PCARE: variants seen among roughly 807,000 people sequenced by gnomAD.
The protein encoded by PCARE is uncharacterized protein C2orf71.
A neutral mutation model predicts 82.2 loss-of-function variants in PCARE; 72 were observed. That is an observed-to-expected ratio of 0.88 (90% confidence interval 0.72 to 1.07). The LOEUF (loss-of-function observed/expected upper bound fraction) is 1.07, where lower values mean the gene tolerates loss of function less well. PCARE is among the 50% of genes least tolerant of loss of function. PCARE has a pLI of 0.00. For missense variants in PCARE, 1,768 were observed against 1,592.4 expected, an observed-to-expected ratio of 1.11 and a Z score of -1.88; for synonymous variants, 705 against 634.8, an observed-to-expected ratio of 1.11 and a Z score of -1.66.
Position 29,072,717 on chromosome 2 carries a change from T to C in PCARE, c.1545A>G (p.Gln515=), listed in dbSNP as rs200427237. 8.8e-4 allele frequency: 1,421 copies of C among 1,613,990 alleles called. 2 individuals carry two copies. The highest frequency in any genetic ancestry group is 1.0e-3 in the Non-Finnish European group (1,227 of 1,179,998). ...GGCTTTCCCGGTCAGCAGGTGAAGA[T>C]TGTGGCCTTGAATGTGGAGTTTTTT... ...WQEKTPHSRP[Q]SSPADRESPF... is the part of the protein sequence containing the mutation. The change falls in exon 1 of 2, where the codon CAA becomes CAG. Residue 515 remains glutamine (Q), a synonymous_variant. Transcript: ENST00000331664.
rs144614988 is a variant in PCARE at position 29,074,357 on chromosome 2, G to A, written c.-96C>T. 373 of 1,319,914 alleles carry A rather than the reference G, an allele frequency of 2.8e-4. 2 individuals carry two copies. The East Asian group carries it at 8.0e-3, about 28-fold the overall frequency. 81.8% of individuals were successfully genotyped at this position (1,319,914 alleles called of 1,614,324 possible). ...AAGGCAATCTTACTAGTCCATCCAG[G>A]CAATTTTCAGGCCAGAATTCTTTGA... On this transcript the variant is annotated 5_prime_UTR_variant, in exon 1 of 2. Transcript: ENST00000331664.
intron 1 of PCARE, 30 bp from the exon 2 acceptor site, chr2:29,065,097 G>C (rs1300561719): frequency 6.5e-7 from 1 of 1,545,690 alleles, no homozygotes; most frequent in Non-Finnish European, 8.7e-7. Flanking sequence ...GTGCAGGTCA[G>C]ACACTCCTCC....
Position 29,064,891 on chromosome 2 carries a change from G to C in PCARE, c.3845C>G (p.Pro1282Arg). 1 of 1,611,720 alleles carries C rather than the reference G, an allele frequency of 6.2e-7. No homozygotes were observed. Among genetic ancestry groups the C allele is most frequent in the East Asian group, 2.2e-5 (1 of 44,866 alleles). ...IQDKSQPEAQ[P>R]QQEEVS ...CTGTCAGGACACCTCCTCTTGCTGG[G>C]GCTGCGCCTCTGGCTGGGATTTGTC... Residue 1282 changes from proline to arginine, a missense_variant, in exon 2 of 2, where the codon CCC (proline) becomes CGC (arginine). By Grantham distance (103) the Pro-to-Arg change is moderately radical (BLOSUM62 -2). Transcript: ENST00000331664.
intron 1 of PCARE, among the ~76,000 whole-genome samples, chr2:29,068,468 T>A (rs1667423143): frequency 1.3e-5 from 2 of 152,222 alleles, no homozygotes; most frequent in Admixed American, 1.3e-4. Flanking sequence ...AGGACCGATG[T>A]TAGTTGAGCT....
In PCARE at chr2:29,070,653, C is replaced by T. The variant is rs375163820; in HGVS notation, c.3609G>A (p.Pro1203=). ...TGGTGGGGTCCAAGGTGGGAGGCTG[C>T]GGTCGGCCACCTGGCTGGCGGTCAG... The part of the protein sequence containing the change: ...TASDRQPGGR[P]QPPTLDPTST... The change falls in exon 1 of 2, where the codon CCG becomes CCA. Residue 1203 remains proline (P), a synonymous_variant. Transcript: ENST00000331664. 49 of 1,614,056 alleles carry T rather than the reference C, an allele frequency of 3.0e-5. No homozygotes were observed. The highest frequency in any genetic ancestry group is 1.7e-4 in the African/African-American group (13 of 75,024).
In PCARE at chr2:29,071,189, C is replaced by T; in HGVS notation, c.3073G>A (p.Ala1025Thr). ...GGTGGGCTGGGGGGCGTCTGCACAG[C>T]AGAGGGGCTTGGCTGGGCAGGTCTG... is the stretch of plus-strand genomic sequence containing the variant. ...SYRPAQPSPS[A>T]VQTPPSPPVS... The change falls in exon 1 of 2, where the codon GCT becomes ACT. Residue 1025 changes from alanine (A) to threonine (T), a missense_variant. Ala to Thr is a moderately conservative substitution (Grantham distance 58). Transcript: ENST00000331664. 1.3e-6 allele frequency: 2 copies of T among 1,596,270 alleles called. No individual in the cohort carries two copies. Among genetic ancestry groups the T allele is most frequent in the Non-Finnish European group, 1.7e-6 (2 of 1,171,314 alleles).
In PCARE at chr2:29,071,688, G is replaced by A. The variant is rs1054960814; in HGVS notation, c.2574C>T (p.Ser858=). 1.2e-6 allele frequency: 2 copies of A among 1,614,002 alleles called. No individual in the cohort carries two copies. Among genetic ancestry groups the A allele is most frequent in the African/African-American group, 1.3e-5 (1 of 74,922 alleles). ...SPESSKSTEN[S]PKETQEPGPG... Reference sequence around the variant, plus strand: ...GCCCTGGCTCCTGGGTTTCCTTGGGGGAGTTCTCTGTGGACTTGCTGCTTT... The same window carrying A: ...GCCCTGGCTCCTGGGTTTCCTTGGGAGAGTTCTCTGTGGACTTGCTGCTTT... Residue 858 remains serine (S), a synonymous_variant, in exon 1 of 2, where the codon TCC becomes TCT. Coordinates refer to ENST00000331664, the MANE Select transcript of PCARE (RefSeq NM_001029883.3).
chr2:29,071,073 A>T lies in PCARE; in HGVS notation c.3189T>A (p.Ser1063Arg). ...QPKLPNPPPE[S>R]APAQCKVPSP... ...TGGGGACCTTGCACTGAGCAGGTGCACTCTCGGGGGGAGGGTTGGGCAACT... is the reference window on the plus strand; with the variant it reads ...TGGGGACCTTGCACTGAGCAGGTGCTCTCTCGGGGGGAGGGTTGGGCAACT... Residue 1063 changes from serine (S) to arginine (R), a missense_variant, in exon 1 of 2, where the codon AGT becomes AGA. Transcript: ENST00000331664. The T allele has an allele frequency of 1.2e-6, 1 of 850,952 alleles. No homozygotes were observed. The allele number at this position is 850,952 out of a possible 1,614,324, so 52.7% of individuals were successfully genotyped here.
In PCARE at chr2:29,072,985, G is replaced by C. The variant is rs371097423; in HGVS notation, c.1277C>G (p.Ala426Gly). ...GCATGGGCTCCTTGCTTCGTCCTGT[G>C]CTCGTGGCTGAACCTTTGCCATAGG... is the stretch of plus-strand genomic sequence containing the variant. ...GAPMAKVQPR[A>G]QDEARSPCLS... The change falls in exon 1 of 2, where the codon GCA becomes GGA. Residue 426 changes from alanine to glycine, a missense_variant. By Grantham distance (60) the Ala-to-Gly change is moderately conservative. Transcript: ENST00000331664. 6.2e-7 allele frequency: 1 copy of C among 1,614,038 alleles called. No homozygotes were observed. Among genetic ancestry groups the C allele is most frequent in the African/African-American group, 1.3e-5 (1 of 74,914 alleles).
chr2:29,073,260 G>A lies in PCARE; in HGVS notation c.1002C>T (p.Gly334=). The change falls in exon 1 of 2, where the codon GGC becomes GGT. Residue 334 remains glycine (G), a synonymous_variant. Transcript: ENST00000331664. ...ALRQLESLAS[G]CGDPGVQGLP... is the part of the protein sequence containing the mutation. ...GACCCTGCACCCCAGGGTCGCCACA[G>A]CCACTCGCCAGGCTCTCTAGCTGCC... The A allele has an allele frequency of 6.2e-7, 1 of 1,614,078 alleles. No individual in the cohort carries two copies. Among genetic ancestry groups the A allele is most frequent in the Non-Finnish European group, 8.5e-7 (1 of 1,179,948 alleles).
rs1667541648 is a variant in PCARE, at chr2:29,073,866, A to G, written c.396T>C (p.Asp132=). The G allele has an allele frequency of 3.7e-6, 6 of 1,614,022 alleles. No homozygotes were observed. The highest frequency in any genetic ancestry group is 1.3e-5 in the African/African-American group (1 of 74,900). ...CTTGGGTACTACTTTCCTCACTCTC[A>G]TCTCCAGAAAAGTCTGCCCCTTGTG... ...HGSQGADFSG[D]ESEESSTQDT... Residue 132 remains aspartate (D), a synonymous_variant, in exon 1 of 2, where the codon GAT becomes GAC. Coordinates refer to ENST00000331664, the MANE Select transcript of PCARE (RefSeq NM_001029883.3).
In PCARE at chr2:29,073,952, T is replaced by G; in HGVS notation, c.310A>C (p.Asn104His). Residue 104 changes from asparagine (N) to histidine (H), a missense_variant, in exon 1 of 2, where the codon AAC (asparagine) becomes CAC (histidine). Asn to His is a moderately conservative substitution (Grantham distance 68). Transcript: ENST00000331664. ...TTAGCCATGTGGCTTTGTGATTTGT[T>G]CAGCTGGGATGAAGAGGTTTTGGTT... The part of the protein sequence containing the change: ...PGTKTSSSQL[N>H]KSQSHMAKDI... 1 of 1,614,242 alleles carries G rather than the reference T, an allele frequency of 6.2e-7. No individual in the cohort carries two copies. Among genetic ancestry groups the G allele is most frequent in the Non-Finnish European group, 8.5e-7 (1 of 1,180,038 alleles).
At chr2:29,068,575 T>C (rs1667425112) in intron 1 of PCARE, among the ~76,000 whole-genome samples, 1 of 152,200 alleles carries the variant, frequency 6.6e-6, no homozygotes, top group Non-Finnish European at 1.5e-5. Flanking sequence ...AAAGGCACAT[T>C]TCCCCGTGTA....
chr2:29,064,852 GC>G lies in PCARE; in HGVS notation c.*16del. 6.2e-7 allele frequency: 1 copy of G among 1,609,446 alleles called. No individual in the cohort carries two copies. On this transcript the variant is annotated 3_prime_UTR_variant, in exon 2 of 2. Coordinates refer to ENST00000331664, the MANE Select transcript of PCARE (RefSeq NM_001029883.3). ...CTTCTGGGGTGACTGCGTGAGTGTG[GC>G]CCCCTCGTCAGCCTGTCAGGACACC...
At chr2:29,066,274 C>A (rs1667387794) in intron 1 of PCARE, among the ~76,000 whole-genome samples, 1 of 152,154 alleles carries the variant, frequency 6.6e-6, no homozygotes, top group African/African-American at 2.4e-5. Flanking sequence ...AGCATAAGTG[C>A]CCCATAGGTG....
rs1667503971 is a variant in PCARE, at chr2:29,072,261, C to T, written c.2001G>A (p.Lys667=). 1.2e-6 allele frequency: 2 copies of T among 1,614,094 alleles called. No homozygotes were observed. The highest frequency in any genetic ancestry group is 1.1e-5 in the South Asian group (1 of 91,084). The change falls in exon 1 of 2, where the codon AAG becomes AAA. Residue 667 remains lysine, a synonymous_variant. Transcript: ENST00000331664. Reference sequence around the variant, plus strand: ...TACTGAAGTTCTTGGTGAGGGATGCCTTGAGCCTGCTGGTGGTGTTGCTTG... The same window carrying T: ...TACTGAAGTTCTTGGTGAGGGATGCTTTGAGCCTGCTGGTGGTGTTGCTTG... The part of the protein sequence containing the change: ...VSPSNTTSRL[K]ASLTKNFSIL...
chr2:29,073,771 A>G lies in PCARE; in HGVS notation c.491T>C (p.Ile164Thr). The change falls in exon 1 of 2, where the codon ATC becomes ACC. Residue 164 changes from isoleucine (I) to threonine (T), a missense_variant. Transcript: ENST00000331664. Reference sequence around the variant, plus strand: ...GCCTTCAGGCTCATGAGCAGGGTGGATGGTTTGGTAGCAGTGGCTCTGTGT... The same window carrying G: ...GCCTTCAGGCTCATGAGCAGGGTGGGTGGTTTGGTAGCAGTGGCTCTGTGT... ...SSTQSHCYQTIHPAHEPEGKV... is the reference protein window; with the variant it reads ...SSTQSHCYQTTHPAHEPEGKV... The G allele has an allele frequency of 6.2e-7, 1 of 1,614,166 alleles. No homozygotes were observed. The highest frequency in any genetic ancestry group is 8.5e-7 in the Non-Finnish European group (1 of 1,180,028).
Position 29,074,282 on chromosome 2 carries a change from T to G in PCARE, c.-21A>C. ...CCCATGATTTCAGCTTGTAGTCATC[T>G]TCCACCCACCTTCACAATTTTCCAA... On this transcript the variant is annotated 5_prime_UTR_variant, in exon 1 of 2. Transcript: ENST00000331664. 6.6e-7 allele frequency: 1 copy of G among 1,517,576 alleles called. No individual in the cohort carries two copies. Among genetic ancestry groups the G allele is most frequent in the Non-Finnish European group, 8.8e-7 (1 of 1,135,014 alleles). The allele number at this position is 1,517,576 out of a possible 1,614,324, so 94.0% of individuals were successfully genotyped here.
In PCARE at chr2:29,073,751, C is replaced by G. The variant is rs754108732; in HGVS notation, c.511G>C (p.Glu171Gln). 8 of 1,614,238 alleles carry G rather than the reference C, an allele frequency of 5.0e-6. No individual in the cohort carries two copies. In the South Asian group the frequency reaches 8.8e-5, roughly 18 times the overall value. ...GGCTCCGGGAAGTCCACTTTGCCTT[C>G]AGGCTCATGAGCAGGGTGGATGGTT... ...YQTIHPAHEP[E>Q]GKVDFPEPLV... Residue 171 changes from glutamate to glutamine, a missense_variant, in exon 1 of 2, where the codon GAA becomes CAA. Coordinates refer to ENST00000331664, the MANE Select transcript of PCARE (RefSeq NM_001029883.3).
Sources: allele counts gnomAD v4.1 joint callset (sites outside exome capture counted in the v4.1 genomes callset), GRCh38; gene constraint gnomAD v4.1.1; transcripts MANE v1.5; gene names NCBI Gene and HGNC (gene_info 2026-07-23, HGNC 2026-07-21).